The following PTPRD variants were observed in gnomAD, a reference collection of about 807,000 sequenced individuals.
PTPRD encodes protein tyrosine phosphatase receptor type D.
A neutral mutation model predicts 214.5 loss-of-function variants in PTPRD; 34 were observed. The ratio of observed to expected loss-of-function variants is 0.16; its 90% CI spans 0.12 to 0.21. The LOEUF is 0.21. Ranked by LOEUF, PTPRD falls within the 10% of genes least tolerant of loss-of-function variation. The pLI, the probability that PTPRD is intolerant of heterozygous loss-of-function variation, is 1.00. For synonymous variants in PTPRD, 1,128 were observed against 845.7 expected (o/e 1.33, Z -5.79); for missense variants, 2,545 against 2,398.7 (o/e 1.06, Z -1.27).
intron 5 of PTPRD, among the ~76,000 whole-genome samples, chr9:9,822,026 C>G (rs2050924038): frequency 6.6e-6 from 1 of 151,322 alleles, no homozygotes; most frequent in Non-Finnish European, 1.5e-5. Context: ...TAAATATCAC[C>G]TTATCTGTAC....
intron 26 of PTPRD, among the ~76,000 whole-genome samples, chr9:8,496,067 T>C (rs2097259205): frequency 6.6e-6 from 1 of 152,058 alleles, no homozygotes; most frequent in African/African-American, 2.4e-5. Context: ...TATCAAATTG[T>C]CAGGCTCACT....
chr9:9,390,218 C>G (rs2065323845), intron 9 of PTPRD, among the ~76,000 whole-genome samples: 1 of 152,056 alleles, frequency 6.6e-6, no homozygotes, highest in Non-Finnish European at 1.5e-5. Flanking sequence ...AGGTGGGAAA[C>G]CATGTCAGAC....
chr9:9,384,113 T>G (rs1227530271), intron 9 of PTPRD, among the ~76,000 whole-genome samples: 1 of 150,472 alleles, frequency 6.6e-6, no homozygotes, highest in Non-Finnish European at 1.5e-5. Context: ...ACTTTTCACA[T>G]ACTTTTTTTT....
intron 2 of PTPRD, among the ~76,000 whole-genome samples, chr9:10,412,754 T>C (rs1465659584): frequency 6.6e-6 from 1 of 151,700 alleles, no homozygotes; most frequent in Non-Finnish European, 1.5e-5. Flanking sequence ...TCAAAAAGCT[T>C]ATCCACAACG....
chr9:9,877,927 C>T (rs1434425125), intron 5 of PTPRD, among the ~76,000 whole-genome samples: 2 of 139,962 alleles, frequency 1.4e-5, no homozygotes, highest in African/African-American at 5.4e-5. Flanking sequence ...GAGCTGAGAT[C>T]ACGCCATTGC....
At chr9:8,357,231 C>G (rs2077190530) in intron 39 of PTPRD, among the ~76,000 whole-genome samples, 1 of 152,220 alleles carries the variant, frequency 6.6e-6, no homozygotes, top group South Asian at 2.1e-4. Flanking sequence ...TCTCCAGTCA[C>G]TGCTGTGGAT....
At chr9:9,882,478 G>T (rs907407332) in intron 5 of PTPRD, among the ~76,000 whole-genome samples, 3 of 152,044 alleles carry the variant, frequency 2.0e-5, no homozygotes, top group African/African-American at 7.2e-5. Context: ...GAAGGGTACT[G>T]ATATATTTTT....
At chr9:9,243,132 A>C (rs1007246962) in intron 9 of PTPRD, among the ~76,000 whole-genome samples, 1 of 152,142 alleles carries the variant, frequency 6.6e-6, no homozygotes, top group Non-Finnish European at 1.5e-5. Context: ...CCTGGGTATC[A>C]GCAGCGGAGG....
At chr9:9,154,117 T>A (rs1007778610) in intron 10 of PTPRD, among the ~76,000 whole-genome samples, 1 of 152,154 alleles carries the variant, frequency 6.6e-6, no homozygotes, top group Non-Finnish European at 1.5e-5. Flanking sequence ...GAGAAATGTA[T>A]GATCCTGGGA....
At chr9:10,510,399 G>A (rs1025419716) in intron 2 of PTPRD, among the ~76,000 whole-genome samples, 2 of 152,098 alleles carry the variant, frequency 1.3e-5, no homozygotes, top group Non-Finnish European at 2.9e-5. Flanking sequence ...ATATAGAACA[G>A]TTCCCTCTCC....
intron 12 of PTPRD, among the ~76,000 whole-genome samples, chr9:8,691,992 G>A (rs528303057): frequency 6.6e-6 from 1 of 151,996 alleles, no homozygotes; most frequent in African/African-American, 2.4e-5. Context: ...CAGAACTGAG[G>A]GCATCTACTT....
chr9:8,327,530 C>A (rs111510895), intron 44 of PTPRD, among the ~76,000 whole-genome samples: 1 of 152,114 alleles, frequency 6.6e-6, no homozygotes, highest in African/African-American at 2.4e-5. Flanking sequence ...GTGGAGAGTT[C>A]TGTAGATGTG....
intron 3 of PTPRD, among the ~76,000 whole-genome samples, chr9:10,270,604 T>C (rs1450558188): frequency 6.6e-6 from 1 of 152,224 alleles, no homozygotes; most frequent in East Asian, 1.9e-4. Flanking sequence ...TTTTTTGATC[T>C]TCAACTCCTT....
At chr9:9,112,456 C>A (rs934630497) in intron 10 of PTPRD, among the ~76,000 whole-genome samples, 1 of 152,142 alleles carries the variant, frequency 6.6e-6, no homozygotes, top group Non-Finnish European at 1.5e-5. Flanking sequence ...ACCAGCATTA[C>A]TTTCAATCAT....
chr9:10,416,679 G>T (rs140428726), intron 2 of PTPRD, among the ~76,000 whole-genome samples: 2 of 151,892 alleles, frequency 1.3e-5, no homozygotes, highest in East Asian at 3.9e-4. Flanking sequence ...AAAGCAGTAA[G>T]AAATATCACA....
intron 27 of PTPRD, among the ~76,000 whole-genome samples, chr9:8,491,543 G>A (rs2097149717): frequency 6.6e-6 from 1 of 151,312 alleles, no homozygotes; most frequent in South Asian, 2.1e-4. Context: ...ATTCTTTGTT[G>A]TTGACGTTCT....
At chr9:8,938,622 G>C (rs1020887818) in intron 11 of PTPRD, among the ~76,000 whole-genome samples, 2 of 151,770 alleles carry the variant, frequency 1.3e-5, no homozygotes, top group East Asian at 3.9e-4. Context: ...CAATCTGATA[G>C]CATTTAATAG....
intron 12 of PTPRD, among the ~76,000 whole-genome samples, chr9:8,651,200 C>T (rs1180318280): frequency 6.6e-6 from 1 of 152,082 alleles, no homozygotes; most frequent in African/African-American, 2.4e-5. Context: ...GATGTCTCCC[C>T]ACGTTTAATC....
At chr9:9,287,682 T>TA (rs1949945928) in intron 9 of PTPRD, among the ~76,000 whole-genome samples, 1 of 151,924 alleles carries the variant, frequency 6.6e-6, no homozygotes, top group East Asian at 2.0e-4. Context: ...GATTTATATT[T>TA]AAAAAGATTA....
Sources: allele counts gnomAD v4.1 joint callset (sites outside exome capture counted in the v4.1 genomes callset), GRCh38; gene constraint gnomAD v4.1.1; transcripts MANE v1.5; gene names NCBI Gene and HGNC (gene_info 2026-07-23, HGNC 2026-07-21).